NLRC5: variants seen among roughly 807,000 people sequenced by gnomAD.
NLRC5 encodes NLR family CARD domain containing 5.
A neutral mutation model predicts 206.9 loss-of-function variants in NLRC5; 114 were observed. That is an observed-to-expected ratio of 0.55 (90% CI 0.47 to 0.64). The LOEUF (loss-of-function observed/expected upper bound fraction) is 0.64, where lower values mean the gene tolerates loss of function less well. Ranked by LOEUF, NLRC5 falls within the 30% of genes least tolerant of loss-of-function variation. The pLI, the probability that NLRC5 is intolerant of heterozygous loss-of-function variation, is 0.00. For missense variants in NLRC5, 2,008 were observed against 2,305.5 expected, an observed-to-expected ratio of 0.87 and a Z score of 2.64; for synonymous variants, 952 against 962.8, an observed-to-expected ratio of 0.99 and a Z score of 0.21.
In NLRC5 at chr16:57,041,928, A is replaced by G. The variant is rs1452758314; in HGVS notation, c.3030-54A>G. The G allele has an allele frequency of 2.4e-6, 3 of 1,249,860 alleles. No individual in the cohort carries two copies. In the African/African-American group the frequency reaches 4.5e-5, roughly 19 times the overall value. The allele number at this position is 1,249,860 out of a possible 1,614,324, so 77.4% of individuals were successfully genotyped here. A position where few individuals can be genotyped will look rare whatever the true frequency, so the allele number is the denominator to read the frequency against. ...ACTGGAATGCAGGGACCATGCTGCC[A>G]GCAACCCACTCCCCACCTGCTAATG... is the stretch of plus-strand genomic sequence containing the variant. On this transcript the variant is annotated intron_variant, in intron 18 of 48. Coordinates refer to ENST00000688547, the MANE Select transcript of NLRC5 (RefSeq NM_001384950.1).
chr16:57,011,412 C>CAA (rs34846080), intron 1 of NLRC5, among the ~76,000 whole-genome samples: 12 of 120,614 alleles, frequency 9.9e-5, no homozygotes, highest in South Asian at 2.5e-4. Context: ...GACTCCGTCT[C>CAA]AAAAAAAAAA....
chr16:57,023,113 T>A (rs1353147220), intron 4 of NLRC5, among the ~76,000 whole-genome samples: 2 of 152,228 alleles, frequency 1.3e-5, no homozygotes, highest in Non-Finnish European at 1.5e-5. Flanking sequence ...CTCCAGGGGC[T>A]GTTCCTATTG....
At chr16:57,056,445 C>G (rs1337267079) in intron 27 of NLRC5, among the ~76,000 whole-genome samples, 1 of 152,170 alleles carries the variant, frequency 6.6e-6, no homozygotes, top group Non-Finnish European at 1.5e-5. Flanking sequence ...CACACACCAA[C>G]ATGCCTGGCT....
chr16:57,064,147 G>A (rs767352776), intron 32 of NLRC5, among the ~76,000 whole-genome samples: 8 of 151,954 alleles, frequency 5.3e-5, no homozygotes, highest in South Asian at 2.1e-4. Flanking sequence ...TGGGCAGATT[G>A]TTTGAGCTCA....
intron 36 of NLRC5, among the ~76,000 whole-genome samples, chr16:57,068,671 T>A (rs2067317946): frequency 6.6e-6 from 1 of 152,230 alleles, no homozygotes; most frequent in African/African-American, 2.4e-5. Flanking sequence ...CCAGGAAATG[T>A]GACATTGATA....
rs373616538 is a variant in NLRC5, at chr16:57,026,054, C to G, written c.1111C>G (p.Arg371Gly). The G allele has an allele frequency of 6.2e-7, 1 of 1,613,906 alleles. No individual in the cohort carries two copies. Among genetic ancestry groups the G allele is most frequent in the Non-Finnish European group, 8.5e-7 (1 of 1,180,054 alleles). The change falls in exon 6 of 49, where the codon CGG becomes GGG. Residue 371 changes from arginine to glycine, a missense_variant. Physicochemically the swap from Arg to Gly is moderately radical, Grantham distance 125. Transcript: ENST00000688547. ...CCACATGTTGGGCTTTGATGGGCCA[C>G]GGGTGGAAGAATATGTGAATCACTT... Reference protein sequence around the residue: ...MVHMLGFDGPRVEEYVNHFFS... With the variant: ...MVHMLGFDGPGVEEYVNHFFS...
At chr16:57,067,886 TC>T (rs2067235587) in intron 36 of NLRC5, 58 bp downstream of exon 36, 1 of 1,294,942 alleles carries the variant, frequency 7.7e-7, no homozygotes, top group African/African-American at 1.5e-5. Context: ...CCCTGACACC[TC>T]CCGTTATTCC....
chr16:57,041,406 T>G, intron 17 of NLRC5, 79 bp from the exon 18 acceptor site: 2 of 1,182,836 alleles, frequency 1.7e-6, no homozygotes, highest in Non-Finnish European at 2.5e-6. Context: ...TCTGCCTCTG[T>G]GTCTGGGGGG....
At chr16:57,040,833 C>G in intron 17 of NLRC5, 115 bp downstream of exon 17, 1 of 979,620 alleles carries the variant, frequency 1.0e-6, no homozygotes, top group Non-Finnish European at 1.6e-6. Context: ...GACACCTGAC[C>G]TGCTGTGTCC....
At chr16:57,079,017 TCAGGC>T in intron 43 of NLRC5, 28 bp from the exon 44 acceptor site, 1 of 1,598,686 alleles carries the variant, frequency 6.3e-7, no homozygotes, top group Non-Finnish European at 8.6e-7. Context: ...CGCCAGTCCC[TCAGGC>T]TCCTCTCACC....
At chr16:57,073,679 C>A (rs907714643) in intron 38 of NLRC5, among the ~76,000 whole-genome samples, 1 of 152,186 alleles carries the variant, frequency 6.6e-6, no homozygotes, top group African/African-American at 2.4e-5. Flanking sequence ...CTGCAACCTC[C>A]GCCTCCCGGG....
intron 39 of NLRC5, 62 bp from the exon 40 acceptor site, chr16:57,076,755 GCA>G: frequency 6.8e-7 from 1 of 1,468,648 alleles, no homozygotes; most frequent in Non-Finnish European, 9.5e-7. Flanking sequence ...AGAGTTCTTA[GCA>G]CAGCACCTGC....
intron 32 of NLRC5, among the ~76,000 whole-genome samples, chr16:57,063,109 T>A (rs1253696012): frequency 7.5e-5 from 5 of 67,074 alleles, no homozygotes; most frequent in African/African-American, 2.6e-4. Context: ...TTCCTTCCTT[T>A]TTTTTTTTTT....
Position 57,079,603 on chromosome 16 carries a change from G to T in NLRC5, c.5295G>T (p.Thr1765=). The T allele has an allele frequency of 1.9e-6, 3 of 1,613,912 alleles. No homozygotes were observed. The highest frequency in any genetic ancestry group is 2.5e-6 in the Non-Finnish European group (3 of 1,179,926). ...QTAKLLTSSF[T]SCPALEVILL... ...CCAAGCTCCTCACCTCCAGCTTCAC[G>T]AGCTGCCCTGCCCTGGAAGTAATCT... The change falls in exon 46 of 49, where the codon ACG becomes ACT. Residue 1765 remains threonine (T), a synonymous_variant. Coordinates refer to ENST00000688547, the MANE Select transcript of NLRC5 (RefSeq NM_001384950.1).
rs116204364 is a variant in NLRC5, at chr16:56,995,885, T to C, written c.-128+6268T>C. Reference sequence around the variant, plus strand: ...GTCAGTGTTTTCCCAGAGAAAGACCTATCCAGTAGGAGTTCACAAGAGGAT... The same window carrying C: ...GTCAGTGTTTTCCCAGAGAAAGACCCATCCAGTAGGAGTTCACAAGAGGAT... On this transcript the variant is annotated intron_variant, in intron 1 of 48. Coordinates refer to ENST00000688547, the MANE Select transcript of NLRC5 (RefSeq NM_001384950.1). Among the ~76,000 whole-genome samples the C allele has an allele frequency of 4.9e-3, 747 of 152,350 alleles. 5 individuals are homozygous for C. Among genetic ancestry groups the C allele is most frequent in the African/African-American group, 0.017 (712 of 41,582 alleles).
intron 1 of NLRC5, among the ~76,000 whole-genome samples, chr16:57,009,549 C>T (rs578245040): frequency 2.0e-5 from 3 of 150,688 alleles, no homozygotes; most frequent in Admixed American, 1.3e-4. Context: ...GCTGAGATCA[C>T]GCCACTGCAC....
intron 3 of NLRC5, 101 bp downstream of exon 3, chr16:57,021,108 A>C: frequency 1.9e-6 from 2 of 1,033,290 alleles, no homozygotes; most frequent in South Asian, 3.1e-5. Flanking sequence ...GAGAGGGTGT[A>C]GCCCAGCCAC....
Position 57,079,038 on chromosome 16 carries a change from C to G in NLRC5, c.5082-12C>G. 6.2e-7 allele frequency: 1 copy of G among 1,613,252 alleles called. No individual in the cohort carries two copies. The highest frequency in any genetic ancestry group is 8.5e-7 in the Non-Finnish European group (1 of 1,179,340). ...TCCCTCAGGCTCCTCTCACCCTCTCCTCTTTCCCCAGCCTACCATTCAGCC... is the reference window on the plus strand; with the variant it reads ...TCCCTCAGGCTCCTCTCACCCTCTCGTCTTTCCCCAGCCTACCATTCAGCC... On this transcript the variant is annotated splice_polypyrimidine_tract_variant and intron_variant, in intron 43 of 48. Transcript: ENST00000688547.
chr16:57,036,261 A>ACCCTTACT, intron 14 of NLRC5, 78 bp downstream of exon 14: 2 of 1,344,710 alleles, frequency 1.5e-6, no homozygotes, highest in Non-Finnish European at 2.1e-6. Flanking sequence ...CGTAATCAGC[A>ACCCTTACT]GTAAGGGTGC....
Sources: gnomAD v4.1 joint callset for allele counts (sites outside exome capture counted in the v4.1 genomes callset) on GRCh38, gnomAD v4.1.1 for gene constraint, MANE v1.5 for transcripts, NCBI Gene and HGNC (gene_info 2026-07-23, HGNC 2026-07-21) for gene names.